Variants in STK39 observed in about 807,000 individuals in gnomAD.
The protein encoded by STK39 is STE20/SPS1-related proline-alanine-rich protein kinase.
In STK39, 20 loss-of-function variants were observed where a neutral mutation model predicts 77.8. The ratio of observed to expected loss-of-function variants is 0.26; its 90% CI spans 0.18 to 0.37. The LOEUF is 0.37. Ranked by LOEUF, STK39 falls within the 10% of genes least tolerant of loss-of-function variation. The probability of loss-of-function intolerance (pLI) is 1.00; values close to 1 mark genes in which losing one functional copy is unlikely to be tolerated. For missense variants in STK39, 479 were observed against 656.5 expected, an observed-to-expected ratio of 0.73 and a Z score of 2.95; for synonymous variants, 246 against 234.1, an observed-to-expected ratio of 1.05 and a Z score of -0.47.
chr2:168,151,654 GCTTGAACC>G (rs1203089164), intron 5 of STK39, among the ~76,000 whole-genome samples: 1 of 151,312 alleles, frequency 6.6e-6, no homozygotes, highest in Non-Finnish European at 1.5e-5. Flanking sequence ...CAGGAGAATC[GCTTGAACC>G]CAGGAGGTGG....
intron 1 of STK39, among the ~76,000 whole-genome samples, chr2:168,234,668 GCA>G (rs1558888236): frequency 1.3e-5 from 2 of 152,116 alleles, no homozygotes; most frequent in Admixed American, 6.5e-5. Flanking sequence ...AATAGACCAG[GCA>G]AAAGGTGATG....
At chr2:168,136,169 T>C (rs908044156) in intron 8 of STK39, among the ~76,000 whole-genome samples, 42 of 151,552 alleles carry the variant, frequency 2.8e-4, no homozygotes, top group Non-Finnish European at 3.4e-4. Context: ...GAGATCGAGA[T>C]CATCTTGGCC....
At chr2:168,061,037 A>C (rs1178361882) in intron 14 of STK39, among the ~76,000 whole-genome samples, 1 of 152,256 alleles carries the variant, frequency 6.6e-6, no homozygotes, top group African/African-American at 2.4e-5. Context: ...CAAGAAATTC[A>C]TCAAAACTAT....
At chr2:167,972,328 G>C (rs1278992188) in intron 16 of STK39, among the ~76,000 whole-genome samples, 1 of 152,190 alleles carries the variant, frequency 6.6e-6, no homozygotes, top group Admixed American at 6.5e-5. Context: ...GGTGTATTTT[G>C]TGTGTCTTTC....
chr2:168,088,413 A>G (rs1162792343), intron 10 of STK39, among the ~76,000 whole-genome samples: 1 of 152,196 alleles, frequency 6.6e-6, no homozygotes, highest in African/African-American at 2.4e-5. Context: ...CAAGTCTATC[A>G]CCTGCATAGA....
chr2:168,025,870 T>A (rs972266532), intron 14 of STK39, among the ~76,000 whole-genome samples: 1 of 152,176 alleles, frequency 6.6e-6, no homozygotes, highest in Non-Finnish European at 1.5e-5. Context: ...TGTCTTCACG[T>A]CAGAACTGGA....
At chr2:168,167,770 G>A (rs2105598262) in intron 2 of STK39, among the ~76,000 whole-genome samples, 1 of 152,298 alleles carries the variant, frequency 6.6e-6, no homozygotes, top group Middle Eastern at 3.4e-3. Flanking sequence ...AAAAGACTGG[G>A]TGAGTTACTA....
chr2:168,050,576 C>G (rs926085015), intron 14 of STK39, among the ~76,000 whole-genome samples: 7 of 152,074 alleles, frequency 4.6e-5, no homozygotes, highest in Non-Finnish European at 1.0e-4. Context: ...AGAAGCAAGG[C>G]CAGAGAGATG....
intron 1 of STK39, among the ~76,000 whole-genome samples, chr2:168,225,076 G>C (rs906249559): frequency 3.9e-5 from 6 of 152,158 alleles, no homozygotes; most frequent in African/African-American, 1.4e-4. Flanking sequence ...TCTAGCCATC[G>C]TTTTGAAAGT....
intron 1 of STK39, among the ~76,000 whole-genome samples, chr2:168,182,686 A>G (rs1689109720): frequency 6.6e-6 from 1 of 152,210 alleles, no homozygotes; most frequent in African/African-American, 2.4e-5. Flanking sequence ...CATGATCATT[A>G]GCTAATGCAC....
intron 1 of STK39, among the ~76,000 whole-genome samples, chr2:168,223,621 G>A (rs1227423970): frequency 6.6e-6 from 1 of 152,074 alleles, no homozygotes; most frequent in African/African-American, 2.4e-5. Context: ...ACCATAGCAA[G>A]GGTGACAGCT....
At chr2:168,175,353 C>G (rs989021418) in intron 2 of STK39, among the ~76,000 whole-genome samples, 28 of 152,138 alleles carry the variant, frequency 1.8e-4, no homozygotes, top group African/African-American at 6.5e-4. Flanking sequence ...TGTGCTGGGT[C>G]CCTGTTACTG....
intron 14 of STK39, among the ~76,000 whole-genome samples, chr2:168,051,151 C>A (rs1311347436): frequency 6.6e-6 from 1 of 152,156 alleles, no homozygotes; most frequent in Non-Finnish European, 1.5e-5. Context: ...TTATTCATCT[C>A]TGATCAAGAG....
At chr2:168,069,305 A>G (rs779929534) in intron 12 of STK39, among the ~76,000 whole-genome samples, 42 of 152,254 alleles carry the variant, frequency 2.8e-4, no homozygotes, top group Admixed American at 9.2e-4. Flanking sequence ...TAGTTTTCAC[A>G]TTGCATCTAA....
intron 14 of STK39, among the ~76,000 whole-genome samples, chr2:168,034,523 G>A (rs1365802121): frequency 6.6e-6 from 1 of 152,180 alleles, no homozygotes; most frequent in African/African-American, 2.4e-5. Flanking sequence ...GCCAGTGGCT[G>A]GCCACCATTG....
At chr2:168,014,985 C>T (rs1012143364) in intron 15 of STK39, among the ~76,000 whole-genome samples, 3 of 152,172 alleles carry the variant, frequency 2.0e-5, no homozygotes, top group African/African-American at 7.2e-5. Context: ...ACCAAAATGG[C>T]AAACAGGTAC....
chr2:168,021,412 A>T (rs1047036821), intron 14 of STK39, among the ~76,000 whole-genome samples: 40 of 152,160 alleles, frequency 2.6e-4, no homozygotes, highest in African/African-American at 8.0e-4. Context: ...TCAAGATGAA[A>T]TATAGTTGGA....
chr2:168,069,152 A>G (rs140975011), intron 12 of STK39, among the ~76,000 whole-genome samples: 3,373 of 152,264 alleles, frequency 0.022, 134 homozygotes, highest in African/African-American at 0.077. Flanking sequence ...TCCTGGCCTC[A>G]GGTGATCCAC....
At chr2:168,217,738 G>T (rs1325370896) in intron 1 of STK39, among the ~76,000 whole-genome samples, 3 of 151,988 alleles carry the variant, frequency 2.0e-5, no homozygotes, top group African/African-American at 7.3e-5. Context: ...GGAAATAATG[G>T]CAAGAAAAAA....
Sources: allele counts gnomAD v4.1 joint callset (sites outside exome capture counted in the v4.1 genomes callset), GRCh38; gene constraint gnomAD v4.1.1; transcripts MANE v1.5; gene names NCBI Gene and HGNC (gene_info 2026-07-23, HGNC 2026-07-21).